NFIA: variants seen among roughly 807,000 people sequenced by gnomAD.
NFIA encodes nuclear factor I A, also known as nuclear factor 1 A-type.
Under a neutral mutation model 62.8 loss-of-function variants are expected in NFIA, and 8 were observed. The observed-to-expected ratio is 0.13, with a 90% CI of 0.07 to 0.23. The LOEUF (loss-of-function observed/expected upper bound fraction) is 0.23, where lower values mean the gene tolerates loss of function less well. Ranked by LOEUF, NFIA falls within the 10% of genes least tolerant of loss-of-function variation. The pLI, the probability that NFIA is intolerant of heterozygous loss-of-function variation, is 1.00. For missense variants in NFIA, 410 were observed against 642.1 expected (o/e 0.64, Z 3.91); for synonymous variants, 235 against 238.1 (o/e 0.99, Z 0.12).
rs1236014158 is a variant in NFIA, at chr1:61,219,899, G to C, written c.560-57621G>C. On this transcript the variant is annotated intron_variant, in intron 2 of 10. Transcript: ENST00000403491. The stretch of plus-strand genomic sequence containing the variant: ...AATCACTTGGACCCGGGAGGCAGAG[G>C]TTGCAGTGAGCTGAAATCGCGCCAC... 2.0e-5 allele frequency among the ~76,000 whole-genome samples: 3 copies of C among 152,066 alleles called. No individual in the cohort carries two copies. In the East Asian group the frequency reaches 5.8e-4, roughly 30 times the overall value.
chr1:61,184,191 C>T (rs1184875425), intron 2 of NFIA, among the ~76,000 whole-genome samples: 1 of 149,208 alleles, frequency 6.7e-6, no homozygotes, highest in Admixed American at 6.7e-5. Context: ...AGAGGGGAAA[C>T]TGAGAATGGG....
chr1:61,300,296 G>C lies in NFIA; in HGVS notation c.625+22711G>C, dbSNP rs751194601. 3.6e-4 allele frequency among the ~76,000 whole-genome samples: 54 copies of C among 152,022 alleles called. 1 individual carries two copies. Among genetic ancestry groups the C allele is most frequent in the Admixed American group, 2.1e-3 (32 of 15,256 alleles). Reference sequence around the variant, plus strand: ...ATGAGGTACCTGACAGATCTTCTAAGTATAATTTTATGATATTCCAGCAGA... The same window carrying C: ...ATGAGGTACCTGACAGATCTTCTAACTATAATTTTATGATATTCCAGCAGA... On this transcript the variant is annotated intron_variant, in intron 3 of 10. Transcript: ENST00000403491.
chr1:61,219,941 G>A lies in NFIA; in HGVS notation c.560-57579G>A, dbSNP rs113539406. ...TCGCGCCACTGCACTCCAGCCTGGA[G>A]ACAGAACGAGACTCCGTCTCAAAAT... On this transcript the variant is annotated intron_variant, in intron 2 of 10. Coordinates refer to ENST00000403491, the MANE Select transcript of NFIA (RefSeq NM_001134673.4). Among the ~76,000 whole-genome samples, 961 of 152,020 alleles carry A rather than the reference G, an allele frequency of 6.3e-3. 15 individuals are homozygous for A. Among genetic ancestry groups the A allele is most frequent in the African/African-American group, 0.022 (912 of 41,464 alleles).
intron 6 of NFIA, among the ~76,000 whole-genome samples, chr1:61,378,521 A>G (rs968911659): frequency 6.6e-6 from 1 of 151,962 alleles, no homozygotes; most frequent in Non-Finnish European, 1.5e-5. Flanking sequence ...CATGTCTAGC[A>G]TTGCAGTCGT....
At chr1:61,392,001 C>T (rs182869777) in intron 7 of NFIA, among the ~76,000 whole-genome samples, 67 of 152,328 alleles carry the variant, frequency 4.4e-4, no homozygotes, top group African/African-American at 1.5e-3. Context: ...CTTGAGCAAA[C>T]ATTACGTTGC....
At chr1:61,157,094 T>C (rs1648872712) in intron 2 of NFIA, among the ~76,000 whole-genome samples, 1 of 152,252 alleles carries the variant, frequency 6.6e-6, no homozygotes, top group African/African-American at 2.4e-5. Flanking sequence ...TGGTGACTGT[T>C]ATTTTTCCTA....
intron 2 of NFIA, among the ~76,000 whole-genome samples, chr1:61,105,357 T>C (rs1170364603): frequency 6.6e-6 from 1 of 152,040 alleles, no homozygotes; most frequent in East Asian, 1.9e-4. Flanking sequence ...ATATGTGTAA[T>C]ATTTAGAATT....
intron 3 of NFIA, among the ~76,000 whole-genome samples, chr1:61,330,046 A>G (rs1661207012): frequency 1.3e-5 from 2 of 152,294 alleles, no homozygotes; most frequent in Middle Eastern, 6.8e-3. Context: ...GATGCCAAAA[A>G]ACTAGATGAG....
chr1:61,136,616 A>G (rs901066280), intron 2 of NFIA, among the ~76,000 whole-genome samples: 2 of 152,190 alleles, frequency 1.3e-5, no homozygotes, highest in African/African-American at 2.4e-5. Flanking sequence ...TAATTTTATT[A>G]TGTTGTTCTA....
chr1:61,349,368 T>C (rs1346741298), intron 4 of NFIA, among the ~76,000 whole-genome samples: 2 of 152,204 alleles, frequency 1.3e-5, no homozygotes, highest in Non-Finnish European at 2.9e-5. Context: ...GATTAAGGTT[T>C]ATTCATTGGT....
intron 4 of NFIA, among the ~76,000 whole-genome samples, chr1:61,345,530 A>G (rs1419536048): frequency 1.3e-5 from 2 of 152,154 alleles, no homozygotes; most frequent in Non-Finnish European, 2.9e-5. Flanking sequence ...CAGGCTGCAG[A>G]CTAGTACCAG....
Position 61,455,604 on chromosome 1 carries a change from A to G in NFIA, c.*284A>G. On this transcript the variant is annotated 3_prime_UTR_variant, in exon 11 of 11. Transcript: ENST00000403491. ...GCTTTGTAACATTTGAAGTGTTTCC[A>G]TGGTAGCGTGAGCATTAGGTGACGT... 1 of 505,014 alleles carries G rather than the reference A, an allele frequency of 2.0e-6. No individual in the cohort carries two copies. Among genetic ancestry groups the G allele is most frequent in the South Asian group, 3.4e-5 (1 of 29,318 alleles). The allele number at this position is 505,014 out of a possible 1,614,324, so 31.3% of individuals were successfully genotyped here. A position where few individuals can be genotyped will look rare whatever the true frequency, so the allele number is the denominator to read the frequency against.
chr1:61,357,771 C>T (rs1663042035), intron 5 of NFIA, among the ~76,000 whole-genome samples: 1 of 152,128 alleles, frequency 6.6e-6, no homozygotes, highest in African/African-American at 2.4e-5. Context: ...GTAGGTATTT[C>T]ATGAATGAAA....
intron 10 of NFIA, among the ~76,000 whole-genome samples, chr1:61,438,439 T>C (rs144229423): frequency 0.012 from 1,753 of 152,134 alleles, 32 homozygotes; most frequent in African/African-American, 0.041. Flanking sequence ...GAAACAGAAA[T>C]GGTAATATGA....
chr1:61,407,862 G>A (rs1170474208), intron 9 of NFIA, among the ~76,000 whole-genome samples: 3 of 152,142 alleles, frequency 2.0e-5, no homozygotes, highest in Admixed American at 6.5e-5. Context: ...CATCGGGATT[G>A]GACAGTCCTC....
intron 2 of NFIA, among the ~76,000 whole-genome samples, chr1:61,090,853 G>C (rs1250471755): frequency 6.6e-6 from 1 of 152,088 alleles, no homozygotes; most frequent in Non-Finnish European, 1.5e-5. Flanking sequence ...AAATATTAAG[G>C]GTCTTTTGTC....
At chr1:61,117,968 G>A (rs1380416199) in intron 2 of NFIA, among the ~76,000 whole-genome samples, 1 of 152,128 alleles carries the variant, frequency 6.6e-6, no homozygotes, top group African/African-American at 2.4e-5. Context: ...TGGATTGCCT[G>A]AGATCAGGAG....
chr1:61,262,685 A>C (rs1656839897), intron 2 of NFIA, among the ~76,000 whole-genome samples: 2 of 152,210 alleles, frequency 1.3e-5, no homozygotes, highest in Admixed American at 6.5e-5. Flanking sequence ...TTAAAGTATA[A>C]AGTAAAAATG....
chr1:61,107,781 C>G (rs989841582), intron 2 of NFIA, among the ~76,000 whole-genome samples: 5 of 151,376 alleles, frequency 3.3e-5, no homozygotes, highest in Admixed American at 2.0e-4. Flanking sequence ...TTTTGTATAT[C>G]TTTTAAGTGT....
Sources: allele counts gnomAD v4.1 joint callset (sites outside exome capture counted in the v4.1 genomes callset), GRCh38; gene constraint gnomAD v4.1.1; transcripts MANE v1.5; gene names NCBI Gene and HGNC (gene_info 2026-07-23, HGNC 2026-07-21).